CNTN5: variants seen among roughly 807,000 people sequenced by gnomAD.
CNTN5 encodes the protein contactin 5.
In CNTN5, 77 loss-of-function variants were observed where a neutral mutation model predicts 129.1. The observed-to-expected ratio is 0.60, with a 90% CI of 0.50 to 0.72. The LOEUF is 0.72. CNTN5 is among the 30% of genes least tolerant of loss of function. The probability of loss-of-function intolerance (pLI) is 0.00; values close to 1 mark genes in which losing one functional copy is unlikely to be tolerated. For missense variants in CNTN5, 1,478 were observed against 1,328.8 expected (o/e 1.11, Z -1.75); for synonymous variants, 509 against 465.6 (o/e 1.09, Z -1.20).
intron 1 of CNTN5, among the ~76,000 whole-genome samples, chr11:99,284,603 GTGTGTGTGTGTGT>G (rs1863843875): frequency 1.1e-3 from 1 of 936 alleles, no homozygotes; most frequent in South Asian, 0.056. Flanking sequence ...GATGAGTGGT[GTGTGTGTGTGTGT>G]GTGTGTGTGT....
At chr11:99,982,689 G>A (rs943966635) in intron 8 of CNTN5, among the ~76,000 whole-genome samples, 1 of 152,110 alleles carries the variant, frequency 6.6e-6, no homozygotes, top group African/African-American at 2.4e-5. Context: ...CACCCAGGCT[G>A]GAGTGCAGTG....
chr11:99,128,043 A>G (rs990773442), intron 1 of CNTN5, among the ~76,000 whole-genome samples: 2 of 152,234 alleles, frequency 1.3e-5, no homozygotes, highest in Admixed American at 6.5e-5. Flanking sequence ...CACTTTACAG[A>G]TGATCAACCT....
intron 2 of CNTN5, among the ~76,000 whole-genome samples, chr11:99,395,789 T>C (rs1014463639): frequency 1.3e-5 from 2 of 152,042 alleles, no homozygotes; most frequent in Non-Finnish European, 2.9e-5. Flanking sequence ...GCACTATTTA[T>C]TGAATAGGTA....
At chr11:99,880,407 G>T (rs990616860) in intron 6 of CNTN5, among the ~76,000 whole-genome samples, 1 of 152,142 alleles carries the variant, frequency 6.6e-6, no homozygotes, top group Non-Finnish European at 1.5e-5. Context: ...AAATATGAAA[G>T]AGAATAACTG....
intron 3 of CNTN5, among the ~76,000 whole-genome samples, chr11:99,569,227 T>G (rs1426083249): frequency 6.6e-6 from 1 of 152,232 alleles, no homozygotes; most frequent in African/African-American, 2.4e-5. Flanking sequence ...TCTGTTCTAT[T>G]TGCTGTTTCA....
intron 1 of CNTN5, among the ~76,000 whole-genome samples, chr11:99,155,459 G>A (rs886940524): frequency 6.6e-6 from 1 of 152,118 alleles, no homozygotes; most frequent in Non-Finnish European, 1.5e-5. Context: ...TAACAGATGT[G>A]CAGTGACCAA....
chr11:99,630,329 G>A (rs1379995347), intron 3 of CNTN5, among the ~76,000 whole-genome samples: 1 of 151,782 alleles, frequency 6.6e-6, no homozygotes, highest in African/African-American at 2.4e-5. Flanking sequence ...ATTGCCTCTG[G>A]AGAGCAATTT....
intron 21 of CNTN5, among the ~76,000 whole-genome samples, chr11:100,334,292 G>A (rs537006719): frequency 1.1e-4 from 17 of 152,242 alleles, no homozygotes; most frequent in East Asian, 5.8e-4. Flanking sequence ...AGATGTTGGC[G>A]TGGATGTGGT....
chr11:99,214,314 G>C (rs1203282642), intron 1 of CNTN5, among the ~76,000 whole-genome samples: 1 of 150,772 alleles, frequency 6.6e-6, no homozygotes, highest in Non-Finnish European at 1.5e-5. Flanking sequence ...TTGGGAGTTA[G>C]ATTTAAAAAC....
chr11:100,097,655 A>G (rs1945055197), intron 13 of CNTN5, among the ~76,000 whole-genome samples: 1 of 152,116 alleles, frequency 6.6e-6, no homozygotes, highest in African/African-American at 2.4e-5. Context: ...AGTATAGGGA[A>G]TGAAAGATGA....
intron 1 of CNTN5, among the ~76,000 whole-genome samples, chr11:99,079,595 A>C (rs1865712202): frequency 1.3e-5 from 2 of 152,210 alleles, no homozygotes; most frequent in African/African-American, 4.8e-5. Flanking sequence ...TGGCTAACGA[A>C]TATAGAATAC....
chr11:99,678,202 CTGAATA>C (rs1203903503), intron 3 of CNTN5, among the ~76,000 whole-genome samples: 1 of 152,034 alleles, frequency 6.6e-6, no homozygotes, highest in Non-Finnish European at 1.5e-5. Flanking sequence ...CAGCGAATTT[CTGAATA>C]TTGCTTTTCT....
intron 1 of CNTN5, among the ~76,000 whole-genome samples, chr11:99,321,925 C>T (rs1865589936): frequency 6.6e-6 from 1 of 152,088 alleles, no homozygotes; most frequent in Non-Finnish European, 1.5e-5. Context: ...CTACAATGTG[C>T]TCATACTACA....
At chr11:99,640,136 T>C (rs1318960985) in intron 3 of CNTN5, among the ~76,000 whole-genome samples, 1 of 152,116 alleles carries the variant, frequency 6.6e-6, no homozygotes, top group Non-Finnish European at 1.5e-5. Context: ...AGTTCCAAAC[T>C]CTCCCACATT....
chr11:99,943,431 T>G (rs1950486515), intron 7 of CNTN5, among the ~76,000 whole-genome samples: 1 of 152,172 alleles, frequency 6.6e-6, no homozygotes, highest in African/African-American at 2.4e-5. Flanking sequence ...TTCTGGATAT[T>G]AGACCTTTGC....
intron 17 of CNTN5, among the ~76,000 whole-genome samples, chr11:100,270,528 T>C (rs1190318514): frequency 6.6e-6 from 1 of 152,224 alleles, no homozygotes; most frequent in Admixed American, 6.5e-5. Flanking sequence ...CTAATGGTAA[T>C]TGTATTGACA....
At chr11:99,278,002 C>T (rs148250550) in intron 1 of CNTN5, among the ~76,000 whole-genome samples, 212 of 151,680 alleles carry the variant, frequency 1.4e-3, no homozygotes, top group African/African-American at 4.7e-3. Context: ...GACTGGAGCA[C>T]GGGTTTCAAA....
At chr11:99,370,983 G>A (rs533668258) in intron 2 of CNTN5, among the ~76,000 whole-genome samples, 5 of 152,186 alleles carry the variant, frequency 3.3e-5, no homozygotes, top group African/African-American at 1.2e-4. Flanking sequence ...TGTCAGAGAG[G>A]CAGGGCGCTG....
chr11:99,045,153 T>TA (rs1443980386), intron 1 of CNTN5, among the ~76,000 whole-genome samples: 1 of 152,200 alleles, frequency 6.6e-6, no homozygotes, highest in African/African-American at 2.4e-5. Flanking sequence ...GTGAACAAGT[T>TA]AGTATGCCAC....
Sources: gnomAD v4.1 joint callset for allele counts (sites outside exome capture counted in the v4.1 genomes callset) on GRCh38, gnomAD v4.1.1 for gene constraint, MANE v1.5 for transcripts, NCBI Gene and HGNC (gene_info 2026-07-23, HGNC 2026-07-21) for gene names.